NEB: variants seen among roughly 807,000 people sequenced by gnomAD.
NEB encodes nemaline myopathy type 2.
NEB carries 512 observed loss-of-function variants against 952.2 expected under a neutral mutation model. The observed-to-expected ratio is 0.54, with a 90% CI of 0.50 to 0.58. NEB has a LOEUF of 0.58. Ranked by LOEUF, NEB falls within the 20% of genes least tolerant of loss-of-function variation. NEB has a pLI of 0.00. For missense variants in NEB, 8,428 were observed against 9,231.1 expected (o/e 0.91, Z 3.56); for synonymous variants, 2,900 against 3,149.8 (o/e 0.92, Z 2.66).
chr2:151,633,517 T>C, intron 65 of NEB, 137 bp downstream of exon 65: 1 of 1,275,646 alleles, frequency 7.8e-7, no homozygotes, highest in South Asian at 1.7e-5. Flanking sequence ...AATAAAGCAA[T>C]AAAATTGTAT....
chr2:151,682,573 T>C, intron 29 of NEB, 89 bp downstream of exon 29: 1 of 1,057,146 alleles, frequency 9.5e-7, no homozygotes, highest in Admixed American at 2.3e-5. Context: ...TGACTGAGAA[T>C]GAAGCAATGA....
intron 135 of NEB, among the ~76,000 whole-genome samples, 174 bp downstream of exon 135, chr2:151,545,714 T>C (rs1296962567): frequency 6.6e-6 from 1 of 152,172 alleles, no homozygotes; most frequent in Non-Finnish European, 1.5e-5. Context: ...TGAGGTAAAG[T>C]GCAGTTGGTT....
In NEB at chr2:151,569,249, G is replaced by A. The variant is rs1270710141; in HGVS notation, c.17535+19C>T. On this transcript the variant is annotated intron_variant, in intron 110 of 181. Coordinates refer to ENST00000397345, the MANE Select transcript of NEB (RefSeq NM_001164508.2). Reference sequence around the variant, plus strand: ...TTCTTGGGAAATGTACTGAATGTCAGGGTAAAATCTTGGAATACCTCACTG... The same window carrying A: ...TTCTTGGGAAATGTACTGAATGTCAAGGTAAAATCTTGGAATACCTCACTG... 1.3e-5 allele frequency: 21 copies of A among 1,598,916 alleles called. No homozygotes were observed. The highest frequency in any genetic ancestry group is 1.8e-5 in the Non-Finnish European group (21 of 1,166,228).
In NEB at chr2:151,627,532, G is replaced by C; in HGVS notation, c.10134C>G (p.Leu3378=). The change falls in exon 69 of 182, where the codon CTC becomes CTG. Residue 3378 remains leucine (L), a synonymous_variant. Transcript: ENST00000397345. ...GATCTTAATTACTCACATCGCTCTG[G>C]AGGTCATAGGCCTGCCGAGCATGGA... The part of the protein sequence containing the change: ...DVIHARQAYD[L]QSDNIYKSDL... The C allele has an allele frequency of 6.2e-7, 1 of 1,613,772 alleles. No homozygotes were observed. The highest frequency in any genetic ancestry group is 8.5e-7 in the Non-Finnish European group (1 of 1,179,682).
rs749237360 is a variant in NEB, at chr2:151,640,695, C to T, written c.8374-29G>A. 4.4e-6 allele frequency: 7 copies of T among 1,581,882 alleles called. No individual in the cohort carries two copies. In the South Asian group the frequency reaches 8.0e-5, roughly 18 times the overall value. ...AAAGAAGAAAAAGACAGATAGTCAT[C>T]TGTTTTAACTTTTAGTAAAAAGCAA... On this transcript the variant is annotated intron_variant, in intron 60 of 181. Transcript: ENST00000397345.
At chr2:151,644,616 C>T in intron 55 of NEB, 41 bp from the exon 56 acceptor site, 2 of 1,486,282 alleles carry the variant, frequency 1.3e-6, no homozygotes, top group Non-Finnish European at 1.9e-6. Context: ...TACTGTTCCC[C>T]ATAGACAAAT....
Position 151,519,770 on chromosome 2 carries a change from TA to T in NEB, c.22480-3del, listed in dbSNP as rs1193497127. The T allele has an allele frequency of 6.4e-7, 1 of 1,572,062 alleles. No homozygotes were observed. The highest frequency in any genetic ancestry group is 1.4e-5 in the African/African-American group (1 of 73,974). On this transcript the variant is annotated splice_polypyrimidine_tract_variant and splice_region_variant and intron_variant, in intron 153 of 181. Transcript: ENST00000397345. ...ATCGAAATTTTCTCGGTATTTAACC[TA>T]ACAGCAAATGCAAACATCCAAATTA...
chr2:151,552,495 T>C lies in NEB; in HGVS notation c.19836+177A>G, dbSNP rs534781325. Among the ~76,000 whole-genome samples the C allele has an allele frequency of 3.3e-5, 5 of 152,332 alleles. No homozygotes were observed. In the East Asian group the frequency reaches 9.7e-4, roughly 29 times the overall value. ...ACTCCGCCCCAGCAAACTGCTTGAA[T>C]GCATCAGGTTTCAGGAAACAATAGC... On this transcript the variant is annotated intron_variant, in intron 128 of 181. Transcript: ENST00000397345.
Position 151,498,254 on chromosome 2 carries a change from A to C in NEB, c.24207+6T>G. ...TGGCATTTTTTCCCCTTTCTTTCCA[A>C]AATACCGAGCTAAGGTTTTCTTGAT... On this transcript the variant is annotated splice_donor_region_variant and intron_variant, in intron 170 of 181. Transcript: ENST00000397345. 6.4e-7 allele frequency: 1 copy of C among 1,551,340 alleles called. No individual in the cohort carries two copies. The highest frequency in any genetic ancestry group is 8.7e-7 in the Non-Finnish European group (1 of 1,146,688).
chr2:151,513,816 T>C (rs931673787), intron 159 of NEB, 123 bp from the exon 160 acceptor site: 10 of 702,976 alleles, frequency 1.4e-5, no homozygotes, highest in Admixed American at 2.4e-5. Context: ...TGTCGCTTGC[T>C]ACTCTTCACC....
intron 28 of NEB, among the ~76,000 whole-genome samples, chr2:151,683,025 C>T (rs2148754873): frequency 6.6e-6 from 1 of 152,224 alleles, no homozygotes; most frequent in African/African-American, 2.4e-5. Flanking sequence ...CTAATTCCAA[C>T]CTGGAAAATG....
At chr2:151,496,780 G>A (rs115826291) in intron 172 of NEB, among the ~76,000 whole-genome samples, 161 bp downstream of exon 172, 1 of 152,264 alleles carries the variant, frequency 6.6e-6, no homozygotes, top group Non-Finnish European at 1.5e-5. Flanking sequence ...TATGGAAATG[G>A]TGTTAGGCTA....
At position 151,631,257 on chromosome 2, in the gene NEB, G is replaced by A. The variant is rs770587751; in HGVS notation, c.9504C>T (p.Thr3168=). 25 of 1,613,686 alleles carry A rather than the reference G, an allele frequency of 1.5e-5. No homozygotes were observed. The South Asian group carries it at 1.6e-4, about 11-fold the overall frequency. The change falls in exon 66 of 182, where the codon ACC becomes ACT. Residue 3168 remains threonine, a synonymous_variant. Coordinates refer to ENST00000397345, the MANE Select transcript of NEB (RefSeq NM_001164508.2). ...GGTAGATGTTATCACTCAGTATTTC[G>A]GTAGCTCTCTTGCACTTGACCACAT... The part of the protein sequence containing the change: ...SMDVVKCKRA[T]EILSDNIYRQ...
rs984945418 is a variant in NEB at position 151,656,515 on chromosome 2, T to C, written c.6184-51A>G. On this transcript the variant is annotated intron_variant, in intron 48 of 181. Transcript: ENST00000397345. ...ACAGAGCAATTCCTTTGACTAAAAA[T>C]CGATCTAGTGTCAATATGCTATATT... The C allele has an allele frequency of 1.1e-5, 13 of 1,220,046 alleles. No individual in the cohort carries two copies. The Admixed American group carries it at 2.4e-4, about 23-fold the overall frequency. 75.6% of individuals were successfully genotyped at this position (1,220,046 alleles called of 1,614,324 possible). A position where few individuals can be genotyped will look rare whatever the true frequency, so the allele number is the denominator to read the frequency against.
intron 71 of NEB, among the ~76,000 whole-genome samples, chr2:151,623,805 T>G (rs1460145695): frequency 6.6e-6 from 1 of 152,176 alleles, no homozygotes; most frequent in Non-Finnish European, 1.5e-5. Context: ...TCTTTAGGAA[T>G]AAATGTTCAT....
chr2:151,717,374 A>G (rs770870346), intron 10 of NEB, 42 bp downstream of exon 10: 2 of 1,257,058 alleles, frequency 1.6e-6, no homozygotes, highest in Non-Finnish European at 2.3e-6. Flanking sequence ...ATTATTAAGC[A>G]GAGTCTTCAA....
At chr2:151,688,967 C>T (rs776132319) in intron 24 of NEB, among the ~76,000 whole-genome samples, 1 of 152,082 alleles carries the variant, frequency 6.6e-6, no homozygotes, top group Non-Finnish European at 1.5e-5. Context: ...TGGTTGACTG[C>T]AGGTAACTGA....
At chr2:151,659,651 G>A (rs184001522) in intron 46 of NEB, among the ~76,000 whole-genome samples, 35 of 152,098 alleles carry the variant, frequency 2.3e-4, no homozygotes, top group Non-Finnish European at 4.6e-4. Context: ...CAGCAGGGAG[G>A]ATGTAAGATG....
intron 68 of NEB, among the ~76,000 whole-genome samples, chr2:151,628,536 T>C (rs2098579882): frequency 6.6e-6 from 1 of 152,100 alleles, no homozygotes; most frequent in Admixed American, 6.6e-5. Flanking sequence ...TCCCAACAAA[T>C]ATTTACAGAA....
Sources: gnomAD v4.1 joint callset for allele counts (sites outside exome capture counted in the v4.1 genomes callset) on GRCh38, gnomAD v4.1.1 for gene constraint, MANE v1.5 for transcripts, NCBI Gene and HGNC (gene_info 2026-07-23, HGNC 2026-07-21) for gene names.